The following CHFR variants were observed in gnomAD, a reference collection of about 807,000 sequenced individuals.
CHFR encodes checkpoint with forkhead and ring finger domains.
In CHFR, 57 loss-of-function variants were observed where a neutral mutation model predicts 87.6. The observed-to-expected ratio is 0.65, with a 90% CI of 0.53 to 0.81. The LOEUF (loss-of-function observed/expected upper bound fraction) is 0.81. Ranked by LOEUF, CHFR falls within the 30% of genes least tolerant of loss-of-function variation. The probability of loss-of-function intolerance (pLI) is 0.00; values close to 1 mark genes in which losing one functional copy is unlikely to be tolerated. For missense variants in CHFR, 797 were observed against 865.8 expected, an observed-to-expected ratio of 0.92 and a Z score of 1.00; for synonymous variants, 381 against 359.2, an observed-to-expected ratio of 1.06 and a Z score of -0.69.
chr12:132,886,322 CAAAAAAACAAAA>C (rs1951893327), intron 2 of CHFR, among the ~76,000 whole-genome samples: 1 of 136,790 alleles, frequency 7.3e-6, no homozygotes, highest in African/African-American at 2.9e-5. Flanking sequence ...AAAAAACAAA[CAAAAAAACAAAA>C]AAAACCAGGT....
chr12:132,859,354 A>G (rs1951161858), intron 7 of CHFR, 127 bp from the exon 8 acceptor site: 3 of 930,044 alleles, frequency 3.2e-6, no homozygotes, highest in East Asian at 2.7e-5. Context: ...AAATACATGC[A>G]GTCTTTTTTT....
chr12:132,857,362 C>T (rs199754919), intron 9 of CHFR, 43 bp downstream of exon 9: 7 of 1,563,178 alleles, frequency 4.5e-6, no homozygotes, highest in South Asian at 2.3e-5. Flanking sequence ...GTGGAGGGAC[C>T]GCCCTCACGT....
At chr12:132,876,180 A>C (rs1051153754) in intron 3 of CHFR, among the ~76,000 whole-genome samples, 3 of 152,130 alleles carry the variant, frequency 2.0e-5, no homozygotes, top group Non-Finnish European at 4.4e-5. Context: ...TCTCAAAAAA[A>C]AAAAAGAAAG....
intron 8 of CHFR, among the ~76,000 whole-genome samples, 169 bp downstream of exon 8, chr12:132,858,899 G>A (rs1417824906): frequency 6.6e-6 from 1 of 151,358 alleles, no homozygotes; most frequent in African/African-American, 2.4e-5. Flanking sequence ...GGCTGAGAAA[G>A]CTCCACCCAC....
chr12:132,874,896 C>A (rs1201788760), intron 3 of CHFR, among the ~76,000 whole-genome samples: 1 of 151,716 alleles, frequency 6.6e-6, no homozygotes, highest in Non-Finnish European at 1.5e-5. Flanking sequence ...GGACCAGCAC[C>A]CAGCGCGGGG....
chr12:132,848,519 T>G, intron 13 of CHFR, 122 bp downstream of exon 13: 1 of 756,452 alleles, frequency 1.3e-6, no homozygotes, highest in South Asian at 1.7e-5. Context: ...TATCATTTGA[T>G]GACCAACAGT....
chr12:132,834,605 C>T lies in CHFR; in HGVS notation c.*6949G>A, dbSNP rs1432139254. The T allele has an allele frequency of 6.6e-6, 1 of 152,238 alleles. No homozygotes were observed. Among genetic ancestry groups the T allele is most frequent in the Non-Finnish European group, 1.5e-5 (1 of 68,082 alleles). 9.4% of individuals were successfully genotyped at this position (152,238 alleles called of 1,614,324 possible). On this transcript the variant is annotated 3_prime_UTR_variant, in exon 18 of 18. Transcript: ENST00000450056. Reference sequence around the variant, plus strand: ...CTGTTTTCTTTTCTGCTTCGACAGCCTGCCCTCCTCTCCTGGCTGGAGGCC... The same window carrying T: ...CTGTTTTCTTTTCTGCTTCGACAGCTTGCCCTCCTCTCCTGGCTGGAGGCC...
intron 14 of CHFR, 132 bp downstream of exon 14, chr12:132,847,953 C>A: frequency 6.6e-7 from 1 of 1,519,070 alleles, no homozygotes; most frequent in South Asian, 1.3e-5. Flanking sequence ...AGTGAGGAAA[C>A]ATGGCTCCCG....
intron 3 of CHFR, among the ~76,000 whole-genome samples, chr12:132,872,849 C>A (rs537978939): frequency 2.6e-5 from 4 of 152,318 alleles, no homozygotes; most frequent in African/African-American, 9.6e-5. Context: ...CAGAAGCGGA[C>A]TAAATGCTGG....
chr12:132,858,516 G>A (rs1329084459), intron 8 of CHFR, among the ~76,000 whole-genome samples: 2 of 151,892 alleles, frequency 1.3e-5, no homozygotes, highest in African/African-American at 2.4e-5. Flanking sequence ...CCTGAAGTCA[G>A]GAGTTCAAGA....
rs547342987 is a variant in CHFR at position 132,846,301 on chromosome 12, C to G, written c.1735+742G>C. On this transcript the variant is annotated intron_variant, in intron 15 of 17. Transcript: ENST00000450056. Reference sequence around the variant, plus strand: ...TTTTTGAGACGGAGTCTCGCTCTGTCCCCCAGGCTGGAGTGCAGTGGCGTG... The same window carrying G: ...TTTTTGAGACGGAGTCTCGCTCTGTGCCCCAGGCTGGAGTGCAGTGGCGTG... 4.3e-3 allele frequency among the ~76,000 whole-genome samples: 621 copies of G among 143,628 alleles called. 3 individuals carry two copies. The highest frequency in any genetic ancestry group is 0.015 in the African/African-American group (584 of 39,046). 94.2% of individuals were successfully genotyped at this position (143,628 alleles called of 152,430 possible). A position where few individuals can be genotyped will look rare whatever the true frequency, so the allele number is the denominator to read the frequency against.
chr12:132,873,974 AG>A (rs1951557003), intron 3 of CHFR, among the ~76,000 whole-genome samples: 1 of 152,104 alleles, frequency 6.6e-6, no homozygotes, highest in African/African-American at 2.4e-5. Context: ...GCTTATGCTC[AG>A]GGGCCCCTAC....
chr12:132,868,587 G>A (rs1406177267), intron 6 of CHFR, among the ~76,000 whole-genome samples: 2 of 152,228 alleles, frequency 1.3e-5, no homozygotes, highest in Non-Finnish European at 2.9e-5. Flanking sequence ...GGCTGAGGCA[G>A]GAGAATGGCG....
intron 4 of CHFR, among the ~76,000 whole-genome samples, 196 bp from the exon 5 acceptor site, chr12:132,870,979 G>A (rs896690845): frequency 6.6e-6 from 1 of 152,052 alleles, no homozygotes; most frequent in Non-Finnish European, 1.5e-5. Context: ...AATAAGCCTC[G>A]GGAAAAAATG....
intron 15 of CHFR, among the ~76,000 whole-genome samples, chr12:132,846,395 T>C (rs892640980): frequency 6.6e-6 from 1 of 151,942 alleles, no homozygotes; most frequent in African/African-American, 2.4e-5. Context: ...CCCGAGTAGC[T>C]GGGACTACAG....
At chr12:132,880,385 C>T (rs991344190) in intron 2 of CHFR, among the ~76,000 whole-genome samples, 3 of 151,932 alleles carry the variant, frequency 2.0e-5, no homozygotes, top group Non-Finnish European at 2.9e-5. Context: ...GGCCAGGTGC[C>T]GTGGCTCACA....
intron 3 of CHFR, among the ~76,000 whole-genome samples, chr12:132,873,506 T>C (rs1034169368): frequency 2.0e-5 from 3 of 152,216 alleles, no homozygotes; most frequent in South Asian, 2.1e-4. Flanking sequence ...CCCACACATA[T>C]GCTGGACTGA....
chr12:132,853,799 C>A, intron 10 of CHFR: 1 of 533,678 alleles, frequency 1.9e-6, no homozygotes, highest in Non-Finnish European at 3.2e-6. Flanking sequence ...GCTCAGCCCC[C>A]ACGCTTTGGA....
In CHFR at chr12:132,832,364, AT is replaced by A. The variant is rs1307377480; in HGVS notation, c.*9189del. On this transcript the variant is annotated 3_prime_UTR_variant, in exon 18 of 18. Transcript: ENST00000450056. ...TCCTAAGGTGTAGCCAATGGGAGAA[AT>A]AGGGAAAACATTTAATTAGCATAAG... The A allele has an allele frequency of 6.6e-6, 1 of 152,212 alleles. No individual in the cohort carries two copies. Among genetic ancestry groups the A allele is most frequent in the Non-Finnish European group, 1.5e-5 (1 of 68,034 alleles). The allele number at this position is 152,212 out of a possible 1,614,324, so 9.4% of individuals were successfully genotyped here.
Sources: gnomAD v4.1 joint callset for allele counts (sites outside exome capture counted in the v4.1 genomes callset) on GRCh38, gnomAD v4.1.1 for gene constraint, MANE v1.5 for transcripts, NCBI Gene and HGNC (gene_info 2026-07-23, HGNC 2026-07-21) for gene names.